RORB: variants seen among roughly 807,000 people sequenced by gnomAD.
The protein encoded by RORB is RAR related orphan receptor B.
A neutral mutation model predicts 59.1 loss-of-function variants in RORB; 6 were observed. The observed-to-expected ratio is 0.10, with a 90% CI of 0.06 to 0.20. The LOEUF (loss-of-function observed/expected upper bound fraction) is 0.20. Among genes scored for constraint, RORB ranks in the 10% least tolerant of loss-of-function variants. RORB has a pLI of 1.00. For missense variants in RORB, 320 were observed against 560.5 expected, an observed-to-expected ratio of 0.57 and a Z score of 4.33; for synonymous variants, 215 against 204.5, an observed-to-expected ratio of 1.05 and a Z score of -0.44.
At chr9:74,646,294 C>G (rs529834163) in intron 4 of RORB, among the ~76,000 whole-genome samples, 2 of 152,136 alleles carry the variant, frequency 1.3e-5, no homozygotes, top group South Asian at 2.1e-4. Flanking sequence ...TAGACCAGTC[C>G]ATATAGACTA....
chr9:74,626,917 A>G (rs544057231), intron 1 of RORB, among the ~76,000 whole-genome samples: 8 of 152,170 alleles, frequency 5.3e-5, no homozygotes, highest in Non-Finnish European at 1.0e-4. Context: ...TAATCCCAGC[A>G]CTTTGGGAGG....
chr9:74,687,982 A>G lies in RORB; in HGVS notation c.*2364A>G, dbSNP rs1358354596. Reference sequence around the variant, plus strand: ...GCCTGTAATTCCTGCTCAGTTGCAGAGGGAATTATTTATTTCCTCCAATTT... The same window carrying G: ...GCCTGTAATTCCTGCTCAGTTGCAGGGGGAATTATTTATTTCCTCCAATTT... On this transcript the variant is annotated 3_prime_UTR_variant, in exon 10 of 10. Coordinates refer to ENST00000376896, the MANE Select transcript of RORB (RefSeq NM_006914.4). The G allele has an allele frequency of 6.6e-6, 1 of 152,154 alleles. No individual in the cohort carries two copies. The highest frequency in any genetic ancestry group is 1.5e-5 in the Non-Finnish European group (1 of 68,026). 9.4% of individuals were successfully genotyped at this position (152,154 alleles called of 1,614,324 possible).
At chr9:74,599,504 C>T (rs1823022497) in intron 1 of RORB, among the ~76,000 whole-genome samples, 1 of 152,162 alleles carries the variant, frequency 6.6e-6, no homozygotes, top group South Asian at 2.1e-4. Context: ...CGGAAGAGCA[C>T]TCAATCCCAG....
At chr9:74,547,862 C>A (rs1441678644) in intron 1 of RORB, among the ~76,000 whole-genome samples, 2 of 152,094 alleles carry the variant, frequency 1.3e-5, no homozygotes, top group African/African-American at 4.8e-5. Context: ...TATTATCTGA[C>A]ATGTTTTTTA....
rs1825735087 is a variant in RORB, at chr9:74,497,854, T to C, written c.-123T>C. On this transcript the variant is annotated 5_prime_UTR_variant, in exon 1 of 10. Transcript: ENST00000376896. ...CGGCGTCCGCCTAAAGGGATGGTTT[T>C]CTCGGCAGAGCAGCTCTTCGCCGAC... The C allele has an allele frequency of 8.1e-7, 1 of 1,237,926 alleles. No individual in the cohort carries two copies. Among genetic ancestry groups the C allele is most frequent in the Admixed American group, 2.1e-5 (1 of 48,744 alleles). 76.7% of individuals were successfully genotyped at this position (1,237,926 alleles called of 1,614,324 possible).
At chr9:74,565,863 A>G (rs1030112916) in intron 1 of RORB, among the ~76,000 whole-genome samples, 1 of 152,208 alleles carries the variant, frequency 6.6e-6, no homozygotes, top group Non-Finnish European at 1.5e-5. Flanking sequence ...TGTCTCTTAC[A>G]TGAATATCAG....
intron 1 of RORB, among the ~76,000 whole-genome samples, chr9:74,592,165 C>T (rs1040924239): frequency 6.6e-6 from 1 of 152,080 alleles, no homozygotes; most frequent in African/African-American, 2.4e-5. Flanking sequence ...TCTCACATCC[C>T]TAGAAAATAA....
At chr9:74,637,498 A>G (rs1289266064) in intron 3 of RORB, among the ~76,000 whole-genome samples, 1 of 152,160 alleles carries the variant, frequency 6.6e-6, no homozygotes, top group East Asian at 1.9e-4. Flanking sequence ...ATGTGTATAA[A>G]AAGGTGAAGA....
chr9:74,603,985 G>A lies in RORB; in HGVS notation c.8-26297G>A, dbSNP rs190559983. 1.7e-3 allele frequency among the ~76,000 whole-genome samples: 252 copies of A among 152,346 alleles called. 2 individuals carry two copies. The highest frequency in any genetic ancestry group is 5.2e-3 in the African/African-American group (218 of 41,588). On this transcript the variant is annotated intron_variant, in intron 1 of 9. Transcript: ENST00000376896. Reference sequence around the variant, plus strand: ...GAGGAGAGAGTTTATTCCCTTCCACGTGAACGGATCAGTGCAAGCTGGTAC... The same window carrying A: ...GAGGAGAGAGTTTATTCCCTTCCACATGAACGGATCAGTGCAAGCTGGTAC...
chr9:74,647,399 G>T (rs890791284), intron 4 of RORB, among the ~76,000 whole-genome samples: 1 of 152,116 alleles, frequency 6.6e-6, no homozygotes, highest in African/African-American at 2.4e-5. Flanking sequence ...CAGACAACAA[G>T]ACAATTGAAA....
intron 1 of RORB, among the ~76,000 whole-genome samples, chr9:74,616,754 T>G (rs1483403883): frequency 6.6e-6 from 1 of 152,176 alleles, no homozygotes; most frequent in Non-Finnish European, 1.5e-5. Context: ...TCTGATTTTG[T>G]GTTTAAAAAA....
chr9:74,654,234 C>T (rs1257304639), intron 4 of RORB, among the ~76,000 whole-genome samples: 1 of 151,956 alleles, frequency 6.6e-6, no homozygotes, highest in Non-Finnish European at 1.5e-5. Flanking sequence ...TAAATCCTTA[C>T]ATTGGACTTT....
At chr9:74,574,594 A>T (rs1031186360) in intron 1 of RORB, among the ~76,000 whole-genome samples, 2 of 152,158 alleles carry the variant, frequency 1.3e-5, no homozygotes, top group African/African-American at 4.8e-5. Flanking sequence ...TCCACATTAT[A>T]GTGCAACCAG....
intron 2 of RORB, 74 bp downstream of exon 2, chr9:74,630,441 G>A (rs756450011): frequency 2.3e-5 from 22 of 958,080 alleles, no homozygotes; most frequent in African/African-American, 1.0e-4. Context: ...GCGGTGACAC[G>A]TTTTTAAGGA....
At chr9:74,530,521 C>A (rs971766537) in intron 1 of RORB, among the ~76,000 whole-genome samples, 6 of 151,974 alleles carry the variant, frequency 3.9e-5, no homozygotes, top group African/African-American at 1.2e-4. Flanking sequence ...GTCACGCTGA[C>A]ATTTATGCTG....
intron 1 of RORB, among the ~76,000 whole-genome samples, chr9:74,600,117 C>T (rs1180348521): frequency 6.6e-6 from 1 of 152,188 alleles, no homozygotes; most frequent in Admixed American, 6.5e-5. Flanking sequence ...TGTCCCTCTC[C>T]CCAGCTACAT....
At chr9:74,547,536 T>A (rs1416609562) in intron 1 of RORB, among the ~76,000 whole-genome samples, 1 of 152,178 alleles carries the variant, frequency 6.6e-6, no homozygotes, top group African/African-American at 2.4e-5. Context: ...TAAATAGAGT[T>A]GTCAGGGAGG....
intron 1 of RORB, among the ~76,000 whole-genome samples, chr9:74,541,021 C>T (rs1175726305): frequency 6.6e-6 from 1 of 152,022 alleles, no homozygotes; most frequent in Non-Finnish European, 1.5e-5. Context: ...TGGTGCACGC[C>T]TATAATTCCA....
At chr9:74,578,408 T>C (rs912048807) in intron 1 of RORB, among the ~76,000 whole-genome samples, 8 of 152,092 alleles carry the variant, frequency 5.3e-5, no homozygotes, top group Admixed American at 2.6e-4. Context: ...CATTATTTGG[T>C]TGAGTAAAGT....
Sources: gnomAD v4.1 joint callset for allele counts (sites outside exome capture counted in the v4.1 genomes callset) on GRCh38, gnomAD v4.1.1 for gene constraint, MANE v1.5 for transcripts, NCBI Gene and HGNC (gene_info 2026-07-23, HGNC 2026-07-21) for gene names.